The following TMEM40 variants were observed in gnomAD, a reference collection of about 807,000 sequenced individuals.
TMEM40 encodes transmembrane protein 40.
In TMEM40, 34 loss-of-function variants were observed where a neutral mutation model predicts 40.8. That is an observed-to-expected ratio of 0.83 (90% CI 0.63 to 1.11). The LOEUF is 1.11. TMEM40 is among the 50% of genes least tolerant of loss of function. The pLI is 0.00. For synonymous variants in TMEM40, 106 were observed against 107.0 expected (o/e 0.99, Z 0.06); for missense variants, 296 against 280.2 (o/e 1.06, Z -0.40).
At chr3:12,768,494 G>A (rs1057314758) in intron 1 of TMEM40, among the ~76,000 whole-genome samples, 1 of 152,130 alleles carries the variant, frequency 6.6e-6, no homozygotes, top group Admixed American at 6.5e-5. Context: ...AGTGCCGATT[G>A]GTGTATTCAC....
intron 3 of TMEM40, among the ~76,000 whole-genome samples, chr3:12,744,671 T>C (rs1347395326): frequency 6.6e-6 from 1 of 152,224 alleles, no homozygotes; most frequent in Non-Finnish European, 1.5e-5. Context: ...AAAATGGTTG[T>C]CATTTGTGCT....
At chr3:12,765,211 G>A (rs953768023) in intron 1 of TMEM40, among the ~76,000 whole-genome samples, 3 of 152,134 alleles carry the variant, frequency 2.0e-5, no homozygotes, top group Non-Finnish European at 4.4e-5. Context: ...GTCAATCCTA[G>A]CTCATTCTGA....
intron 3 of TMEM40, among the ~76,000 whole-genome samples, chr3:12,744,506 A>G (rs1424727106): frequency 2.0e-5 from 3 of 152,184 alleles, no homozygotes; most frequent in Non-Finnish European, 4.4e-5. Context: ...TGGGGTTTCT[A>G]TAGCACCAGC....
intron 1 of TMEM40, among the ~76,000 whole-genome samples, chr3:12,768,759 G>GT (rs1295485799): frequency 2.0e-5 from 3 of 152,132 alleles, no homozygotes; most frequent in African/African-American, 7.2e-5. Context: ...GGGGCCGCAG[G>GT]TGGAGCTGCC....
At chr3:12,749,575 C>T (rs1196358979) in intron 2 of TMEM40, among the ~76,000 whole-genome samples, 185 bp downstream of exon 2, 2 of 152,184 alleles carry the variant, frequency 1.3e-5, no homozygotes, top group African/African-American at 2.4e-5. Flanking sequence ...CTAGACAGCA[C>T]AGGAGGACAG....
chr3:12,737,058 T>G (rs1279144474), intron 8 of TMEM40, among the ~76,000 whole-genome samples: 1 of 152,096 alleles, frequency 6.6e-6, no homozygotes, highest in Non-Finnish European at 1.5e-5. Flanking sequence ...TTTAAAATTT[T>G]TAGTAGAGAT....
intron 1 of TMEM40, among the ~76,000 whole-genome samples, chr3:12,750,640 G>T (rs888004652): frequency 2.0e-5 from 3 of 152,004 alleles, no homozygotes; most frequent in Non-Finnish European, 2.9e-5. Context: ...TGAGACAGAG[G>T]TCTTGCTATA....
intron 2 of TMEM40, 87 bp downstream of exon 2, chr3:12,749,673 T>G (rs937915): frequency 8.3e-7 from 1 of 1,205,142 alleles, no homozygotes. Flanking sequence ...GCAACGTGAG[T>G]TGAGCAGGGT....
chr3:12,751,429 C>CCG (rs1161483368), intron 1 of TMEM40, among the ~76,000 whole-genome samples: 2 of 151,472 alleles, frequency 1.3e-5, no homozygotes, highest in African/African-American at 4.9e-5. Flanking sequence ...TTACAGGCGC[C>CCG]ACACCATGCT....
chr3:12,735,780 A>T (rs918615903), intron 10 of TMEM40, among the ~76,000 whole-genome samples, 163 bp from the exon 11 acceptor site: 3 of 152,240 alleles, frequency 2.0e-5, no homozygotes, highest in African/African-American at 7.2e-5. Context: ...TATTACTAAA[A>T]ACAACAACCA....
upstream of TMEM40, among the ~76,000 whole-genome samples, chr3:12,763,681 C>G (rs1005094108): frequency 2.0e-5 from 3 of 152,120 alleles, no homozygotes; most frequent in Admixed American, 6.5e-5. Flanking sequence ...CGGGACACAG[C>G]CCCTATCCAT....
Position 12,745,881 on chromosome 3 carries a change from C to CTTTTCT in TMEM40, c.212-1898_212-1893dup, listed in dbSNP as rs551412182. On this transcript the variant is annotated intron_variant, in intron 3 of 11. Transcript: ENST00000314124. ...GCAGAACTGTGAGCTAAATACACCT[C>CTTTTCT]TTTTCTTTTTCTTTTGCTTTTTCTT... Among the ~76,000 whole-genome samples the CTTTTCT allele has an allele frequency of 1.3e-3, 191 of 151,590 alleles. 1 individual carries two copies. Among genetic ancestry groups the CTTTTCT allele is most frequent in the Non-Finnish European group, 2.5e-3 (169 of 67,946 alleles).
At chr3:12,736,475 T>G (rs1037829592) in intron 10 of TMEM40, 103 bp downstream of exon 10, 137 of 1,406,844 alleles carry the variant, frequency 9.7e-5, no homozygotes, top group Non-Finnish European at 1.2e-4. Flanking sequence ...AAGTGTAGAT[T>G]GTGACTCTCT....
intron 1 of TMEM40, among the ~76,000 whole-genome samples, chr3:12,768,944 G>GGGGGGGGC (rs1553634919): frequency 7.6e-6 from 1 of 131,922 alleles, no homozygotes; most frequent in Non-Finnish European, 1.7e-5. Context: ...CGGGGGGGGC[G>GGGGGGGGC]GGGGGGGCGG....
At chr3:12,758,050 T>C (rs1419322701) in intron 1 of TMEM40, among the ~76,000 whole-genome samples, 1 of 149,106 alleles carries the variant, frequency 6.7e-6, no homozygotes, top group Non-Finnish European at 1.5e-5. Flanking sequence ...GTGAATTACA[T>C]CTCAGTAAAT....
At chr3:12,752,195 C>A (rs908496387) in intron 1 of TMEM40, among the ~76,000 whole-genome samples, 1 of 152,134 alleles carries the variant, frequency 6.6e-6, no homozygotes, top group African/African-American at 2.4e-5. Flanking sequence ...CTCAAGTGAT[C>A]CTCCTGCCTC....
intron 3 of TMEM40, 122 bp from the exon 4 acceptor site, chr3:12,744,111 C>T: frequency 4.1e-6 from 4 of 982,492 alleles, no homozygotes; most frequent in Non-Finnish European, 6.0e-6. Flanking sequence ...GTGGGAGGAA[C>T]TCTGATTTGG....
At chr3:12,739,288 T>C (rs1310356168) in intron 5 of TMEM40, 1 of 152,054 alleles carries the variant, frequency 6.6e-6, no homozygotes, top group African/African-American at 2.4e-5. Context: ...CAGTGATATA[T>C]ATATATATTT....
At chr3:12,738,621 C>G in intron 5 of TMEM40, 33 bp from the exon 6 acceptor site, 1 of 1,605,058 alleles carries the variant, frequency 6.2e-7, no homozygotes, top group Non-Finnish European at 8.5e-7. Flanking sequence ...ATCATATACC[C>G]ATGATCCTCT....
Sources: gnomAD v4.1 joint callset for allele counts (sites outside exome capture counted in the v4.1 genomes callset) on GRCh38, gnomAD v4.1.1 for gene constraint, MANE v1.5 for transcripts, NCBI Gene and HGNC (gene_info 2026-07-23, HGNC 2026-07-21) for gene names.